DNAJC5: variants seen among roughly 807,000 people sequenced by gnomAD.
The protein encoded by DNAJC5 is dnaJ homolog subfamily C member 5.
Under a neutral mutation model 23.2 loss-of-function variants are expected in DNAJC5, and 1 was observed. The ratio of observed to expected loss-of-function variants is 0.04; its 90% CI spans 0.02 to 0.20. DNAJC5 has a LOEUF of 0.20. Ranked by LOEUF, DNAJC5 falls within the 10% of genes least tolerant of loss-of-function variation. DNAJC5 has a pLI of 1.00. For missense variants in DNAJC5, 180 were observed against 267.0 expected, an observed-to-expected ratio of 0.67 and a Z score of 2.27; for synonymous variants, 136 against 120.0, an observed-to-expected ratio of 1.13 and a Z score of -0.87.
At position 63,929,181 on chromosome 20, in the gene DNAJC5, G is replaced by A. The variant is rs2053640242; in HGVS notation, c.108-131G>A. ...CTGGCCCCTGCAGCCCTGGAGAGTC[G>A]GACAGTGAGGTGGCCTGGGTGGACC... On this transcript the variant is annotated intron_variant, in intron 2 of 4. Transcript: ENST00000360864. The surrounding 1 kb of genome is among the most constrained non-coding windows in gnomAD (Gnocchi z 8.6). The A allele has an allele frequency of 4.6e-6, 5 of 1,081,022 alleles. No individual in the cohort carries two copies. Among genetic ancestry groups the A allele is most frequent in the Non-Finnish European group, 6.9e-6 (5 of 724,410 alleles). 67.0% of individuals were successfully genotyped at this position (1,081,022 alleles called of 1,614,324 possible). A position where few individuals can be genotyped will look rare whatever the true frequency, so the allele number is the denominator to read the frequency against.
chr20:63,925,982 C>T (rs1444664193), intron 1 of DNAJC5, among the ~76,000 whole-genome samples: 2 of 152,030 alleles, frequency 1.3e-5, no homozygotes, highest in African/African-American at 4.8e-5. Context: ...TGCCTGCCAC[C>T]ACTTCCGGCT....
At chr20:63,912,428 G>T (rs2053488217) in intron 1 of DNAJC5, among the ~76,000 whole-genome samples, 1 of 151,760 alleles carries the variant, frequency 6.6e-6, no homozygotes, top group Admixed American at 6.6e-5. Flanking sequence ...AGTTAATTGG[G>T]TTTTTTTTGG....
At position 63,931,825 on chromosome 20, in the gene DNAJC5, CTG is replaced by C. The variant is rs1279149816; in HGVS notation, c.*261_*262del. The C allele has an allele frequency of 1.9e-6, 1 of 539,742 alleles. No homozygotes were observed. Among genetic ancestry groups the C allele is most frequent in the Non-Finnish European group, 3.4e-6 (1 of 296,446 alleles). 33.4% of individuals were successfully genotyped at this position (539,742 alleles called of 1,614,324 possible). On this transcript the variant is annotated 3_prime_UTR_variant, in exon 5 of 5. Coordinates refer to ENST00000360864, the MANE Select transcript of DNAJC5 (RefSeq NM_025219.3). This position sits in a 1 kb window ranked among gnomAD's most constrained non-coding sequence, Gnocchi z 9.6. ...GCATGTATGGGGTTCTGTTCCATGTCTGTGTTGTGGACATTCCGCGGCATGAC... is the reference window on the plus strand; with the variant it reads ...GCATGTATGGGGTTCTGTTCCATGTCTGTTGTGGACATTCCGCGGCATGAC...
intron 1 of DNAJC5, among the ~76,000 whole-genome samples, chr20:63,897,506 CA>C (rs1261001271): frequency 6.6e-6 from 1 of 152,118 alleles, no homozygotes; most frequent in Admixed American, 6.5e-5. Flanking sequence ...GTGGAGGTTG[CA>C]GTGAGCAAAG....
chr20:63,922,411 CA>C (rs1385750677), intron 1 of DNAJC5, among the ~76,000 whole-genome samples: 6 of 146,892 alleles, frequency 4.1e-5, no homozygotes, highest in Non-Finnish European at 8.9e-5. Flanking sequence ...TGCATGGAGC[CA>C]AGATTGCACC....
intron 3 of DNAJC5, among the ~76,000 whole-genome samples, chr20:63,930,533 G>C (rs1195775075): frequency 6.6e-6 from 1 of 152,198 alleles, no homozygotes; most frequent in Non-Finnish European, 1.5e-5. Flanking sequence ...ATTTTTAGTA[G>C]AGACAGGGTT....
In DNAJC5 at chr20:63,920,474, C is replaced by T. The variant is rs2053560566; in HGVS notation, c.-11-7861C>T. Among the ~76,000 whole-genome samples the T allele has an allele frequency of 6.6e-6, 1 of 152,166 alleles. No individual in the cohort carries two copies. The highest frequency in any genetic ancestry group is 2.4e-5 in the African/African-American group (1 of 41,444). The stretch of plus-strand genomic sequence containing the variant: ...GGCTACAGCCAGGGCTGTGAAGGAG[C>T]CGAGGTCATAGAGTGGCTGCCCTGG... On this transcript the variant is annotated intron_variant, in intron 1 of 4. Transcript: ENST00000360864. This position sits in a 1 kb window ranked among gnomAD's most constrained non-coding sequence, Gnocchi z 4.6.
chr20:63,911,486 G>T (rs1372726327), intron 1 of DNAJC5, among the ~76,000 whole-genome samples: 2 of 152,180 alleles, frequency 1.3e-5, no homozygotes, highest in East Asian at 1.9e-4. Context: ...GCCGGGCGCT[G>T]CCATGGCTCC....
chr20:63,932,137 T>A lies in DNAJC5; in HGVS notation c.*569T>A. The A allele has an allele frequency of 5.5e-6, 1 of 182,806 alleles. No individual in the cohort carries two copies. Among genetic ancestry groups the A allele is most frequent in the Admixed American group, 5.4e-5 (1 of 18,592 alleles). The allele number at this position is 182,806 out of a possible 1,614,324, so 11.3% of individuals were successfully genotyped here. On this transcript the variant is annotated 3_prime_UTR_variant, in exon 5 of 5. Transcript: ENST00000360864. The surrounding 1 kb of genome is among the most constrained non-coding windows in gnomAD (Gnocchi z 4.4). ...CCTCCTGGCGTCACCGGCGTCACTG[T>A]CATTCCTTGGTGTCTGTGCTGGGCA...
chr20:63,929,688 G>GAGTCACTCCTGCCGTGCGGGCGCCCA lies in DNAJC5; in HGVS notation c.321+188_321+189insAAGTCACTCCTGCCGTGCGGGCGCCC, dbSNP rs2053648615. Among the ~76,000 whole-genome samples the GAGTCACTCCTGCCGTGCGGGCGCCCA allele has an allele frequency of 2.7e-5, 4 of 149,572 alleles. 1 individual carries two copies. Among genetic ancestry groups the GAGTCACTCCTGCCGTGCGGGCGCCCA allele is most frequent in the African/African-American group, 1.0e-4 (4 of 40,056 alleles). On this transcript the variant is annotated intron_variant, in intron 3 of 4. Coordinates refer to ENST00000360864, the MANE Select transcript of DNAJC5 (RefSeq NM_025219.3). This position sits in a 1 kb window ranked among gnomAD's most constrained non-coding sequence, Gnocchi z 8.6. ...AGTCTCTCCTGCCGTGCGGGCACCC[G>GAGTCACTCCTGCCGTGCGGGCGCCCA]AGTCACTCCTGCCGTGCGGGCGCCC... is the stretch of plus-strand genomic sequence containing the variant.
intron 1 of DNAJC5, among the ~76,000 whole-genome samples, chr20:63,899,396 T>G (rs1368733560): frequency 6.6e-6 from 1 of 152,090 alleles, no homozygotes; most frequent in African/African-American, 2.4e-5. Flanking sequence ...ATTTTGTCTC[T>G]CATCACCCTT....
At chr20:63,924,649 C>T (rs557066393) in intron 1 of DNAJC5, among the ~76,000 whole-genome samples, 17 of 152,298 alleles carry the variant, frequency 1.1e-4, no homozygotes, top group South Asian at 8.3e-4. Flanking sequence ...GCCAGGAGTC[C>T]GTGACCAGCC....
At chr20:63,930,738 G>A (rs2053661966) in intron 3 of DNAJC5, 113 bp from the exon 4 acceptor site, 9 of 1,535,098 alleles carry the variant, frequency 5.9e-6, no homozygotes, top group South Asian at 5.6e-5. Flanking sequence ...CTGGAAGGCA[G>A]TATCCCCACC....
At chr20:63,913,299 C>T (rs527707202) in intron 1 of DNAJC5, among the ~76,000 whole-genome samples, 1 of 152,146 alleles carries the variant, frequency 6.6e-6, no homozygotes, top group African/African-American at 2.4e-5. Context: ...TTGTCTCCTT[C>T]CCTCTCCTCC....
intron 1 of DNAJC5, among the ~76,000 whole-genome samples, chr20:63,921,303 T>C (rs2053570041): frequency 6.6e-6 from 1 of 152,062 alleles, no homozygotes; most frequent in South Asian, 2.1e-4. Context: ...AAAAGAGTTC[T>C]GACTGAGGCC....
intron 1 of DNAJC5, among the ~76,000 whole-genome samples, chr20:63,914,587 G>A (rs897224480): frequency 9.5e-5 from 14 of 147,026 alleles, no homozygotes; most frequent in Admixed American, 8.9e-4. Flanking sequence ...AAAGTGCTGG[G>A]ATTACAGGCA....
At chr20:63,899,184 T>G (rs902477612) in intron 1 of DNAJC5, among the ~76,000 whole-genome samples, 1 of 152,124 alleles carries the variant, frequency 6.6e-6, no homozygotes, top group Non-Finnish European at 1.5e-5. Flanking sequence ...GCTTCCTAAA[T>G]AGAAGGGACA....
At chr20:63,901,338 G>T (rs1367673910) in intron 1 of DNAJC5, among the ~76,000 whole-genome samples, 3 of 152,218 alleles carry the variant, frequency 2.0e-5, no homozygotes, top group Non-Finnish European at 2.9e-5. Flanking sequence ...CGACTTCCCA[G>T]CCCCATCGGC....
chr20:63,915,082 C>CTGCTCCATGGA (rs1177532960), intron 1 of DNAJC5, among the ~76,000 whole-genome samples: 2 of 152,028 alleles, frequency 1.3e-5, no homozygotes, highest in Admixed American at 6.6e-5. Flanking sequence ...GAGAGACGGG[C>CTGCTCCATGGA]TGCTCCATGG....
Sources: allele counts gnomAD v4.1 joint callset (sites outside exome capture counted in the v4.1 genomes callset), GRCh38; gene constraint gnomAD v4.1.1; non-coding constraint Gnocchi (gnomAD v3.1); transcripts MANE v1.5; gene names NCBI Gene and HGNC (gene_info 2026-07-23, HGNC 2026-07-21).